ENOX1: variants seen among roughly 807,000 people sequenced by gnomAD.
The protein encoded by ENOX1 is candidate growth-related and time keeping constitutive hydroquinone (NADH) oxidase.
Under a neutral mutation model 82.5 loss-of-function variants are expected in ENOX1, and 42 were observed. That is an observed-to-expected ratio of 0.51 (90% CI 0.40 to 0.66). The LOEUF is 0.66. Among genes scored for constraint, ENOX1 ranks in the 30% least tolerant of loss-of-function variants. The pLI is 0.00. For missense variants in ENOX1, 608 were observed against 811.6 expected, an observed-to-expected ratio of 0.75 and a Z score of 3.05; for synonymous variants, 271 against 282.2, an observed-to-expected ratio of 0.96 and a Z score of 0.40.
intron 1 of ENOX1, among the ~76,000 whole-genome samples, chr13:43,774,810 T>C (rs1951821831): frequency 1.3e-5 from 2 of 152,130 alleles, no homozygotes; most frequent in South Asian, 4.1e-4. Context: ...CCTGAACACA[T>C]TTACCATCCA....
intron 11 of ENOX1, among the ~76,000 whole-genome samples, chr13:43,306,470 C>T (rs1375349958): frequency 6.6e-6 from 1 of 152,178 alleles, no homozygotes; most frequent in Non-Finnish European, 1.5e-5. Flanking sequence ...TCAGGCTTAG[C>T]TAAGCCAAGC....
chr13:43,388,340 T>C (rs558576306), intron 5 of ENOX1, among the ~76,000 whole-genome samples: 24 of 152,338 alleles, frequency 1.6e-4, no homozygotes, highest in African/African-American at 5.5e-4. Context: ...TAAAGCCACC[T>C]ATATTAATAA....
rs189596920 is a variant in ENOX1, at chr13:43,487,851, A to C, written c.-218-3699T>G. The stretch of plus-strand genomic sequence containing the variant: ...GCTATAATTCCCTAGAAGCAATAAA[A>C]GCAAAGGCTGTTTGATTTGTAACAT... On this transcript the variant is annotated intron_variant, in intron 2 of 16. Transcript: ENST00000690772. Among the ~76,000 whole-genome samples the C allele has an allele frequency of 2.9e-3, 439 of 152,370 alleles. 6 individuals carry two copies. Among genetic ancestry groups the C allele is most frequent in the African/African-American group, 0.01 (424 of 41,588 alleles).
intron 2 of ENOX1, among the ~76,000 whole-genome samples, chr13:43,624,971 C>T (rs2082901941): frequency 6.6e-6 from 1 of 152,044 alleles, no homozygotes; most frequent in Admixed American, 6.5e-5. Flanking sequence ...TACATATCAG[C>T]TTGGGGAGAA....
At chr13:43,686,710 C>T (rs1190932843) in intron 1 of ENOX1, among the ~76,000 whole-genome samples, 1 of 152,166 alleles carries the variant, frequency 6.6e-6, no homozygotes, top group Non-Finnish European at 1.5e-5. Context: ...ACAGAAACTG[C>T]GTTTTCCTCC....
intron 12 of ENOX1, among the ~76,000 whole-genome samples, chr13:43,293,156 G>A (rs556990524): frequency 6.6e-6 from 1 of 151,982 alleles, no homozygotes; most frequent in East Asian, 1.9e-4. Context: ...ACCACAGCCA[G>A]CAACACAACT....
chr13:43,221,289 C>T (rs1274296879), intron 16 of ENOX1, among the ~76,000 whole-genome samples: 1 of 152,198 alleles, frequency 6.6e-6, no homozygotes, highest in South Asian at 2.1e-4. Context: ...ACGAACCCTC[C>T]TCTTGACTGT....
At chr13:43,367,179 A>C (rs1050635715) in intron 5 of ENOX1, among the ~76,000 whole-genome samples, 32 of 152,204 alleles carry the variant, frequency 2.1e-4, no homozygotes, top group African/African-American at 7.0e-4. Flanking sequence ...CAGTAATGAC[A>C]CTTATTTTGA....
At chr13:43,370,889 C>CTA (rs1318314525) in intron 5 of ENOX1, among the ~76,000 whole-genome samples, 2 of 143,444 alleles carry the variant, frequency 1.4e-5, no homozygotes, top group Non-Finnish European at 3.1e-5. Flanking sequence ...ACTGTAGCTT[C>CTA]TATATCCCCC....
intron 15 of ENOX1, among the ~76,000 whole-genome samples, chr13:43,232,820 C>A (rs965206638): frequency 6.6e-6 from 1 of 152,042 alleles, no homozygotes; most frequent in Non-Finnish European, 1.5e-5. Flanking sequence ...ATCAACAGGG[C>A]GTCAATCAGA....
intron 1 of ENOX1, among the ~76,000 whole-genome samples, chr13:43,778,864 G>A (rs1427774031): frequency 6.6e-6 from 1 of 152,194 alleles, no homozygotes; most frequent in Admixed American, 6.5e-5. Context: ...ACGAGGTGGA[G>A]GGCTAACACT....
At chr13:43,365,769 C>G (rs977004261) in intron 5 of ENOX1, among the ~76,000 whole-genome samples, 1 of 152,222 alleles carries the variant, frequency 6.6e-6, no homozygotes, top group East Asian at 1.9e-4. Context: ...GCCTGACCAG[C>G]ATAAAGCCTG....
intron 2 of ENOX1, among the ~76,000 whole-genome samples, chr13:43,542,881 A>G (rs1052609902): frequency 7.9e-5 from 12 of 152,048 alleles, no homozygotes. Context: ...TGGTTCATAG[A>G]CGGCTGTCTC....
At chr13:43,475,900 T>C (rs1352189468) in intron 3 of ENOX1, among the ~76,000 whole-genome samples, 1 of 150,586 alleles carries the variant, frequency 6.6e-6, no homozygotes, top group Non-Finnish European at 1.5e-5. Flanking sequence ...AATTTTACCA[T>C]AAAGGACACT....
At chr13:43,463,948 C>T (rs1348031977) in intron 3 of ENOX1, among the ~76,000 whole-genome samples, 5 of 152,150 alleles carry the variant, frequency 3.3e-5, no homozygotes, top group African/African-American at 1.2e-4. Context: ...TGACATTTGG[C>T]AGAGAGAGAC....
At chr13:43,300,583 G>A (rs2153508709) in intron 11 of ENOX1, among the ~76,000 whole-genome samples, 1 of 152,300 alleles carries the variant, frequency 6.6e-6, no homozygotes, top group East Asian at 1.9e-4. Context: ...GGGCAAGAAG[G>A]AGAGAAACTC....
chr13:43,307,280 A>G (rs1308427337), intron 11 of ENOX1, among the ~76,000 whole-genome samples: 1 of 152,168 alleles, frequency 6.6e-6, no homozygotes, highest in Non-Finnish European at 1.5e-5. Context: ...AGGTGGGAGG[A>G]CCCAGTATGA....
At chr13:43,539,253 T>G (rs2078604554) in intron 2 of ENOX1, among the ~76,000 whole-genome samples, 1 of 152,222 alleles carries the variant, frequency 6.6e-6, no homozygotes, top group Admixed American at 6.5e-5. Flanking sequence ...TTTTTCTAAG[T>G]TTTTGAGATG....
intron 2 of ENOX1, among the ~76,000 whole-genome samples, chr13:43,638,791 T>C (rs1159211543): frequency 2.6e-5 from 4 of 152,240 alleles, no homozygotes; most frequent in Non-Finnish European, 4.4e-5. Flanking sequence ...TGATAAAGGA[T>C]GCTATGCATG....
Sources: gnomAD v4.1 joint callset for allele counts (sites outside exome capture counted in the v4.1 genomes callset) on GRCh38, gnomAD v4.1.1 for gene constraint, MANE v1.5 for transcripts, NCBI Gene and HGNC (gene_info 2026-07-23, HGNC 2026-07-21) for gene names.